The following ZNF423 variants were observed in gnomAD, a reference collection of about 807,000 sequenced individuals.
The protein encoded by ZNF423 is zinc finger protein 423.
A neutral mutation model predicts 95.8 loss-of-function variants in ZNF423; 12 were observed. The ratio of observed to expected loss-of-function variants is 0.13; its 90% CI spans 0.08 to 0.20. The LOEUF (loss-of-function observed/expected upper bound fraction) is 0.20. Ranked by LOEUF, ZNF423 falls within the 10% of genes least tolerant of loss-of-function variation. The probability of loss-of-function intolerance (pLI) is 1.00; values close to 1 mark genes in which losing one functional copy is unlikely to be tolerated. For missense variants in ZNF423, 1,316 were observed against 1,737.1 expected (o/e 0.76, Z 4.31); for synonymous variants, 749 against 711.9 (o/e 1.05, Z -0.83).
chr16:49,664,096 C>T (rs1827497512), intron 3 of ZNF423: 8 of 985,590 alleles, frequency 8.1e-6, no homozygotes, highest in Non-Finnish European at 9.6e-6. Context: ...CTTACCTTTC[C>T]CCCTGCTCAC....
At chr16:49,780,053 A>C (rs1279859215) in intron 2 of ZNF423, among the ~76,000 whole-genome samples, 1 of 152,228 alleles carries the variant, frequency 6.6e-6, no homozygotes, top group Non-Finnish European at 1.5e-5. Flanking sequence ...GGAAATCAGC[A>C]AGACAAGCCT....
chr16:49,694,982 C>T (rs1452398117), intron 3 of ZNF423, among the ~76,000 whole-genome samples: 2 of 152,214 alleles, frequency 1.3e-5, no homozygotes, highest in Non-Finnish European at 2.9e-5. Flanking sequence ...TCAGAGGCAG[C>T]CTCTGGCTCC....
chr16:49,498,648 C>G (rs75018323), intron 7 of ZNF423, among the ~76,000 whole-genome samples: 2,720 of 152,312 alleles, frequency 0.018, 77 homozygotes, highest in African/African-American at 0.062. Context: ...TTTCCCTCTG[C>G]TCCCATCCCC....
At chr16:49,647,373 G>A (rs1439346694) in intron 3 of ZNF423, among the ~76,000 whole-genome samples, 2 of 152,158 alleles carry the variant, frequency 1.3e-5, no homozygotes, top group Non-Finnish European at 1.5e-5. Context: ...GATTGTGGTA[G>A]GCAGAATAAT....
chr16:49,497,377 G>T (rs553330004), intron 7 of ZNF423, among the ~76,000 whole-genome samples: 7 of 152,310 alleles, frequency 4.6e-5, no homozygotes, highest in Admixed American at 2.0e-4. Context: ...CATGGTGAGG[G>T]TGCCGATGGC....
chr16:49,708,401 C>T (rs1434334174), intron 3 of ZNF423, among the ~76,000 whole-genome samples: 2 of 152,152 alleles, frequency 1.3e-5, no homozygotes, highest in African/African-American at 4.8e-5. Context: ...GTTCAACCGC[C>T]TCAGCCTCCC....
chr16:49,716,734 G>T (rs1157467938), intron 3 of ZNF423, among the ~76,000 whole-genome samples: 1 of 152,076 alleles, frequency 6.6e-6, no homozygotes, highest in Non-Finnish European at 1.5e-5. Flanking sequence ...GACACTAGAA[G>T]CAGTTCCTCC....
At chr16:49,813,679 G>A (rs1413867544) in intron 1 of ZNF423, among the ~76,000 whole-genome samples, 1 of 152,232 alleles carries the variant, frequency 6.6e-6, no homozygotes, top group Non-Finnish European at 1.5e-5. Context: ...CATTCACACT[G>A]TTGGCTCCCC....
At chr16:49,649,634 G>C (rs911352843) in intron 3 of ZNF423, among the ~76,000 whole-genome samples, 11 of 123,420 alleles carry the variant, frequency 8.9e-5, no homozygotes, top group African/African-American at 4.0e-4. Context: ...TTACTGCTTT[G>C]AAGTACACAC....
At chr16:49,683,175 C>A (rs777903530) in intron 3 of ZNF423, among the ~76,000 whole-genome samples, 7 of 152,134 alleles carry the variant, frequency 4.6e-5, no homozygotes, top group Admixed American at 6.5e-5. Flanking sequence ...ATTCACTCAA[C>A]AAATACTCAG....
chr16:49,808,048 C>G (rs1222736641), intron 1 of ZNF423, among the ~76,000 whole-genome samples: 1 of 149,360 alleles, frequency 6.7e-6, no homozygotes, highest in African/African-American at 2.5e-5. Flanking sequence ...GTGCTAGTAA[C>G]AATTTTTCTT....
intron 3 of ZNF423, among the ~76,000 whole-genome samples, chr16:49,648,616 C>T (rs1973269871): frequency 6.6e-6 from 1 of 151,270 alleles, no homozygotes; most frequent in South Asian, 2.1e-4. Context: ...CATGCCACTG[C>T]ACTCCAGCCT....
chr16:49,650,262 C>A (rs939185628), intron 3 of ZNF423, among the ~76,000 whole-genome samples: 1 of 152,194 alleles, frequency 6.6e-6, no homozygotes, highest in African/African-American at 2.4e-5. Flanking sequence ...GACAGCAGAG[C>A]CATGAGTAAG....
At chr16:49,601,671 G>T (rs1971377663) in intron 5 of ZNF423, among the ~76,000 whole-genome samples, 1 of 152,196 alleles carries the variant, frequency 6.6e-6, no homozygotes, top group Admixed American at 6.5e-5. Flanking sequence ...ATGACACAGG[G>T]GTCTGCGCTG....
At chr16:49,551,055 C>T (rs1165477757) in intron 5 of ZNF423, among the ~76,000 whole-genome samples, 1 of 152,222 alleles carries the variant, frequency 6.6e-6, no homozygotes, top group African/African-American at 2.4e-5. Context: ...CCCACTCTCC[C>T]TTATCATCAG....
chr16:49,776,694 C>T (rs1042125031), intron 2 of ZNF423, among the ~76,000 whole-genome samples: 1 of 152,210 alleles, frequency 6.6e-6, no homozygotes, highest in Non-Finnish European at 1.5e-5. Flanking sequence ...GCCAGGCAGG[C>T]GAACAGACAG....
chr16:49,563,614 C>A (rs1266820716), intron 5 of ZNF423, among the ~76,000 whole-genome samples: 1 of 152,226 alleles, frequency 6.6e-6, no homozygotes, highest in Non-Finnish European at 1.5e-5. Context: ...CAGGAAGGGG[C>A]AGAGCCCAGA....
chr16:49,856,270 T>A (rs2035369057), upstream of ZNF423: 6 of 141,452 alleles, frequency 4.2e-5, no homozygotes, highest in South Asian at 1.5e-3. Flanking sequence ...CCTTGCCGGA[T>A]TTTTGTGCAA....
chr16:49,539,808 A>C (rs922492309), intron 5 of ZNF423, among the ~76,000 whole-genome samples: 4 of 152,036 alleles, frequency 2.6e-5, no homozygotes, highest in Admixed American at 6.6e-5. Context: ...TAAAAAAAAA[A>C]CAAAACCAAG....
Sources: gnomAD v4.1 joint callset for allele counts (sites outside exome capture counted in the v4.1 genomes callset) on GRCh38, gnomAD v4.1.1 for gene constraint, MANE v1.5 for transcripts, NCBI Gene and HGNC (gene_info 2026-07-23, HGNC 2026-07-21) for gene names.